SERPINI1: variants seen among roughly 807,000 people sequenced by gnomAD.
The protein encoded by SERPINI1 is serpin family I member 1, also known as neuroserpin.
A neutral mutation model predicts 41.1 loss-of-function variants in SERPINI1; 19 were observed. That is an observed-to-expected ratio of 0.46 (90% CI 0.32 to 0.68). The LOEUF (loss-of-function observed/expected upper bound fraction) is 0.68, where lower values mean the gene tolerates loss of function less well. Among genes scored for constraint, SERPINI1 ranks in the 30% least tolerant of loss-of-function variants. The pLI is 0.03. For missense variants in SERPINI1, 460 were observed against 479.2 expected (o/e 0.96, Z 0.37); for synonymous variants, 138 against 156.6 (o/e 0.88, Z 0.89).
chr3:167,763,517 A>G (rs928412502), intron 1 of SERPINI1, among the ~76,000 whole-genome samples: 1 of 152,008 alleles, frequency 6.6e-6, no homozygotes, highest in Non-Finnish European at 1.5e-5. Context: ...GTAACTGGAA[A>G]CACAGGTGTG....
At chr3:167,741,861 A>G (rs965906561) in intron 1 of SERPINI1, among the ~76,000 whole-genome samples, 10 of 152,210 alleles carry the variant, frequency 6.6e-5, no homozygotes, top group Non-Finnish European at 1.0e-4. Context: ...ACCAGATGAA[A>G]TTATATAATA....
intron 1 of SERPINI1, among the ~76,000 whole-genome samples, chr3:167,757,265 A>C (rs1726222376): frequency 6.6e-6 from 1 of 152,152 alleles, no homozygotes; most frequent in Non-Finnish European, 1.5e-5. Flanking sequence ...GGCAGTGTAT[A>C]ATGGTTGCTT....
chr3:167,825,108 G>A, intron 8 of SERPINI1, 139 bp from the exon 9 acceptor site: 3 of 708,960 alleles, frequency 4.2e-6, no homozygotes, highest in Non-Finnish European at 7.8e-6. Flanking sequence ...AGAGAGGAAG[G>A]AAGGAAGGAC....
chr3:167,785,927 CAG>C (rs1560007440), intron 1 of SERPINI1, among the ~76,000 whole-genome samples: 2 of 152,128 alleles, frequency 1.3e-5, no homozygotes, highest in African/African-American at 2.4e-5. Flanking sequence ...TGCCTAATGA[CAG>C]AGATATATTT....
intron 1 of SERPINI1, among the ~76,000 whole-genome samples, chr3:167,770,782 G>A (rs1172422875): frequency 1.3e-5 from 2 of 152,034 alleles, no homozygotes; most frequent in African/African-American, 2.4e-5. Context: ...ATTTGTTGAC[G>A]TGCATCTCAA....
At position 167,762,382 on chromosome 3, in the gene SERPINI1, G is replaced by T. The variant is rs559515835; in HGVS notation, c.-19+26559G>T. 6.2e-4 allele frequency among the ~76,000 whole-genome samples: 94 copies of T among 152,132 alleles called. 1 individual carries two copies. Among genetic ancestry groups the T allele is most frequent in the South Asian group, 3.1e-3 (15 of 4,822 alleles). ...TTTTTCTCCTGTCTTAAACAAACTA[G>T]AAAACGAAGAAAACTCTTTCTTGAC... On this transcript the variant is annotated intron_variant, in intron 1 of 8. Transcript: ENST00000446050.
At chr3:167,818,176 C>T (rs982335633) in intron 6 of SERPINI1, among the ~76,000 whole-genome samples, 1 of 151,922 alleles carries the variant, frequency 6.6e-6, no homozygotes, top group Non-Finnish European at 1.5e-5. Context: ...CAGGCACACG[C>T]CATCACGCCT....
intron 7 of SERPINI1, among the ~76,000 whole-genome samples, chr3:167,823,911 G>A (rs1307550186): frequency 6.6e-6 from 1 of 152,048 alleles, no homozygotes; most frequent in Admixed American, 6.6e-5. Context: ...GGATCTCAGG[G>A]GAATTTAGTA....
At chr3:167,759,400 G>GCATATATATATATA (rs1553771738) in intron 1 of SERPINI1, among the ~76,000 whole-genome samples, 2 of 121,118 alleles carry the variant, frequency 1.7e-5, no homozygotes, top group African/African-American at 6.1e-5. Context: ...AGAAAATGTG[G>GCATATATATATATA]TATATATATA....
Position 167,753,589 on chromosome 3 carries a change from G to C in SERPINI1, c.-19+17766G>C, listed in dbSNP as rs553950799. Reference sequence around the variant, plus strand: ...ATTGGGGGTGGGGAGCAGTGAGGTGGGTATCTTAAACTTACCCCTGTGGCC... The same window carrying C: ...ATTGGGGGTGGGGAGCAGTGAGGTGCGTATCTTAAACTTACCCCTGTGGCC... On this transcript the variant is annotated intron_variant, in intron 1 of 8. Coordinates refer to ENST00000446050, the MANE Select transcript of SERPINI1 (RefSeq NM_001122752.2). 4.6e-5 allele frequency among the ~76,000 whole-genome samples: 7 copies of C among 152,072 alleles called. No individual in the cohort carries two copies. In the South Asian group the frequency reaches 1.5e-3, roughly 32 times the overall value.
At chr3:167,772,858 C>CTATA (rs1577409602) in intron 1 of SERPINI1, among the ~76,000 whole-genome samples, 1 of 25,090 alleles carries the variant, frequency 4.0e-5, no homozygotes, top group Non-Finnish European at 7.3e-5. Context: ...CTCTCTCTCT[C>CTATA]TCTCTCTATA....
intron 5 of SERPINI1, among the ~76,000 whole-genome samples, chr3:167,795,283 GAGATGCAACCATAAATTAGCAGGA>G (rs1417338025): frequency 6.6e-6 from 1 of 152,156 alleles, no homozygotes; most frequent in African/African-American, 2.4e-5. Context: ...GCTAGGTGCT[GAGATGCAACCATAAATTAGCAGGA>G]AGATGCAACT....
rs746082671 is a variant in SERPINI1 at position 167,792,568 on chromosome 3, CT to C, written c.482-21del. ...CTTCCAGTTTAACATGAATTTTTAT[CT>C]ATTCATTTTTTCCTAAATAGATCTG... On this transcript the variant is annotated intron_variant, in intron 3 of 8. Coordinates refer to ENST00000446050, the MANE Select transcript of SERPINI1 (RefSeq NM_001122752.2). 92 of 1,598,866 alleles carry C rather than the reference CT, an allele frequency of 5.8e-5. 1 individual carries two copies. Among genetic ancestry groups the C allele is most frequent in the Middle Eastern group, 1.7e-4 (1 of 6,028 alleles).
intron 5 of SERPINI1, among the ~76,000 whole-genome samples, chr3:167,801,925 G>A (rs1397427562): frequency 1.3e-5 from 2 of 152,120 alleles, no homozygotes; most frequent in East Asian, 3.9e-4. Flanking sequence ...GCTTATGCTA[G>A]ATATTGCAAA....
rs757918199 is a variant in SERPINI1, at chr3:167,789,349, A to G, written c.221A>G (p.His74Arg). 2.2e-5 allele frequency: 35 copies of G among 1,614,066 alleles called. 1 individual carries two copies. Among genetic ancestry groups the G allele is most frequent in the Non-Finnish European group, 2.7e-5 (32 of 1,180,014 alleles). ...AQGSTQKEIR[H>R]SMGYDSLKNG... ...GGATCTACCCAGAAAGAAATCCGCC[A>G]CTCAATGGGATATGACAGCCTAAAA... The change falls in exon 2 of 9, where the codon CAC (histidine) becomes CGC (arginine). Residue 74 changes from histidine (H) to arginine (R), a missense_variant. Coordinates refer to ENST00000446050, the MANE Select transcript of SERPINI1 (RefSeq NM_001122752.2).
At chr3:167,783,662 G>A (rs9874331) in intron 1 of SERPINI1, among the ~76,000 whole-genome samples, 1 of 151,646 alleles carries the variant, frequency 6.6e-6, no homozygotes, top group Non-Finnish European at 1.5e-5. Flanking sequence ...TCCCTCCAGC[G>A]CCCACCCAGC....
chr3:167,803,058 A>C (rs28363836), intron 5 of SERPINI1, among the ~76,000 whole-genome samples: 1 of 151,128 alleles, frequency 6.6e-6, no homozygotes, highest in Non-Finnish European at 1.5e-5. Flanking sequence ...ATTCTCACTC[A>C]TAGGTGGGAA....
intron 1 of SERPINI1, among the ~76,000 whole-genome samples, chr3:167,744,655 TAA>T (rs1725791264): frequency 1.5e-5 from 2 of 129,460 alleles, no homozygotes; most frequent in African/African-American, 3.1e-5. Context: ...TAAATATATA[TAA>T]ATATAAAAAT....
rs574690456 is a variant in SERPINI1, at chr3:167,758,890, A to T, written c.-19+23067A>T. 2.0e-5 allele frequency among the ~76,000 whole-genome samples: 3 copies of T among 152,318 alleles called. No individual in the cohort carries two copies. In the East Asian group the frequency reaches 5.8e-4, roughly 29 times the overall value. ...TTTTTCAACTTCTTTGTAAGTCTAA[A>T]TTTATTTCAAAATTAAAATTTAAAA... On this transcript the variant is annotated intron_variant, in intron 1 of 8. Coordinates refer to ENST00000446050, the MANE Select transcript of SERPINI1 (RefSeq NM_001122752.2).
Sources: gnomAD v4.1 joint callset for allele counts (sites outside exome capture counted in the v4.1 genomes callset) on GRCh38, gnomAD v4.1.1 for gene constraint, MANE v1.5 for transcripts, NCBI Gene and HGNC (gene_info 2026-07-23, HGNC 2026-07-21) for gene names.